Variants in ZNF469 observed in about 807,000 individuals in gnomAD.
The protein encoded by ZNF469 is zinc finger protein 469.
A neutral mutation model predicts 1.0 loss-of-function variants in ZNF469; 1 was observed. The observed-to-expected ratio is 1.00, with a 90% CI of 0.35 to 4.73. The LOEUF (loss-of-function observed/expected upper bound fraction) is 4.73, where lower values mean the gene tolerates loss of function less well. Ranked by LOEUF, ZNF469 falls within the 30% of genes most tolerant of loss-of-function variation. The probability of loss-of-function intolerance (pLI) is 0.16; values close to 1 mark genes in which losing one functional copy is unlikely to be tolerated. For missense variants in ZNF469, 6,100 were observed against 5,356.3 expected (o/e 1.14, Z -4.33); for synonymous variants, 2,703 against 2,363.4 (o/e 1.14, Z -4.17).
At chr16:88,298,761 G>A in the ZNF469 span, among the ~76,000 whole-genome samples, 1 of 152,124 alleles carries the variant, frequency 6.6e-6, no homozygotes, top group Non-Finnish European at 1.5e-5. Context: ...CCCGAGACAG[G>A]AGCAAGCAGA....
chr16:88,332,631 G>T, the ZNF469 span, among the ~76,000 whole-genome samples: 78 of 152,230 alleles, frequency 5.1e-4, no homozygotes, highest in African/African-American at 1.9e-3. Context: ...GTGAGGCAGG[G>T]AGAGGGAAGG....
intron 1 of ZNF469, among the ~76,000 whole-genome samples, chr16:88,389,391 G>A (rs973075235): frequency 2.6e-5 from 4 of 152,364 alleles, no homozygotes; most frequent in Middle Eastern, 3.4e-3. Context: ...AGCACATTTT[G>A]TGCACGCACC....
chr16:88,299,156 G>A, the ZNF469 span, among the ~76,000 whole-genome samples: 1 of 145,294 alleles, frequency 6.9e-6, no homozygotes, highest in Non-Finnish European at 1.5e-5. Context: ...GGTGGGGAGG[G>A]CTTCCTGGAG....
At chr16:88,146,149 C>T in the ZNF469 span, among the ~76,000 whole-genome samples, 2 of 152,350 alleles carry the variant, frequency 1.3e-5, no homozygotes, top group Admixed American at 6.5e-5. Flanking sequence ...TCCTTGGGCA[C>T]AGTCCAGGCT....
At chr16:88,205,846 C>G in the ZNF469 span, among the ~76,000 whole-genome samples, 5 of 152,090 alleles carry the variant, frequency 3.3e-5, no homozygotes, top group Non-Finnish European at 7.3e-5. This position sits in a 1 kb window ranked among gnomAD's most constrained non-coding sequence, Gnocchi z 4.2. Flanking sequence ...GGCTTTAACA[C>G]GGATCTGGAA....
the ZNF469 span, among the ~76,000 whole-genome samples, chr16:88,366,663 C>G: frequency 8.7e-5 from 13 of 150,264 alleles, no homozygotes; most frequent in Non-Finnish European, 1.5e-4. Context: ...CCATCACCAT[C>G]ATTATCGTCA....
chr16:88,357,389 C>T, the ZNF469 span, among the ~76,000 whole-genome samples: 16 of 152,222 alleles, frequency 1.1e-4, no homozygotes, highest in Non-Finnish European at 2.2e-4. Context: ...TCCTCGACTG[C>T]GTTGACCCCC....
the ZNF469 span, among the ~76,000 whole-genome samples, chr16:88,179,690 C>A: frequency 6.6e-6 from 1 of 152,172 alleles, no homozygotes; most frequent in Non-Finnish European, 1.5e-5. Context: ...AGTTTGAGAA[C>A]CTCTGGTCTC....
chr16:88,133,829 C>A, the ZNF469 span, among the ~76,000 whole-genome samples: 2 of 152,240 alleles, frequency 1.3e-5, no homozygotes, highest in South Asian at 4.1e-4. Context: ...CACAGTGGCT[C>A]ACGCCTGTAA....
chr16:88,254,358 A>G, the ZNF469 span, among the ~76,000 whole-genome samples: 1 of 152,158 alleles, frequency 6.6e-6, no homozygotes, highest in Non-Finnish European at 1.5e-5. Flanking sequence ...TTATTGAACT[A>G]TTTGTCCATT....
rs1906312626 is a variant in ZNF469 at position 88,433,059 on chromosome 16, C to T, written c.5589C>T (p.Ser1863=). ...EGNEFAPAGA[S]SLTAPRGREA... is the part of the protein sequence containing the mutation. ...ATGAGTTTGCACCGGCGGGGGCCTC[C>T]TCACTGACTGCCCCCCGGGGCAGGG... is the stretch of plus-strand genomic sequence containing the variant. Residue 1863 remains serine, a synonymous_variant, in exon 3 of 3, where the codon TCC becomes TCT. Coordinates refer to ENST00000565624, the MANE Select transcript of ZNF469 (RefSeq NM_001367624.2). The T allele has an allele frequency of 1.3e-6, 2 of 1,550,300 alleles. No individual in the cohort carries two copies. Among genetic ancestry groups the T allele is most frequent in the Admixed American group, 3.9e-5 (2 of 51,000 alleles).
chr16:88,122,721 G>A, the ZNF469 span, among the ~76,000 whole-genome samples: 6 of 152,142 alleles, frequency 3.9e-5, no homozygotes, highest in Non-Finnish European at 8.8e-5. Context: ...GCTTTAGTCT[G>A]CCACAGTTTT....
At chr16:88,208,302 C>T in the ZNF469 span, among the ~76,000 whole-genome samples, 1 of 151,090 alleles carries the variant, frequency 6.6e-6, no homozygotes, top group Non-Finnish European at 1.5e-5. Flanking sequence ...TGCAATCTGG[C>T]GCTTTCCCTG....
chr16:88,207,709 G>C, the ZNF469 span, among the ~76,000 whole-genome samples: 1 of 148,848 alleles, frequency 6.7e-6, no homozygotes, highest in South Asian at 2.2e-4. Context: ...GGGGCTGCTG[G>C]CTTCCTCGGC....
the ZNF469 span, among the ~76,000 whole-genome samples, chr16:88,321,638 G>A: frequency 1.3e-5 from 2 of 151,792 alleles, no homozygotes; most frequent in Non-Finnish European, 2.9e-5. Context: ...GACCTCATCT[G>A]ATTGGATGTG....
chr16:88,423,761 C>T (rs781588134), intron 1 of ZNF469, among the ~76,000 whole-genome samples: 2 of 152,178 alleles, frequency 1.3e-5, no homozygotes, highest in Non-Finnish European at 1.5e-5. Flanking sequence ...GGCCTCTCCA[C>T]GGGGCTGCTT....
the ZNF469 span, among the ~76,000 whole-genome samples, chr16:88,338,722 G>C: frequency 1.3e-5 from 2 of 152,312 alleles, no homozygotes; most frequent in Admixed American, 6.5e-5. Context: ...TATCAGAAGG[G>C]GGGATATGGG....
chr16:88,440,583 A>T lies in ZNF469; in HGVS notation c.*1251A>T, dbSNP rs1040737822. 6.6e-5 allele frequency: 10 copies of T among 152,088 alleles called. No homozygotes were observed. The highest frequency in any genetic ancestry group is 2.4e-4 in the African/African-American group (10 of 41,398). 9.4% of individuals were successfully genotyped at this position (152,088 alleles called of 1,614,324 possible). On this transcript the variant is annotated 3_prime_UTR_variant, in exon 3 of 3. Coordinates refer to ENST00000565624, the MANE Select transcript of ZNF469 (RefSeq NM_001367624.2). ...GTGTACGTCAAAAGTTTTTATTTTG[A>T]TATTTGAAAGAGACCAAATCAGGCC...
At chr16:88,412,760 AC>A (rs1364567586) in intron 1 of ZNF469, among the ~76,000 whole-genome samples, 1 of 152,196 alleles carries the variant, frequency 6.6e-6, no homozygotes, top group Non-Finnish European at 1.5e-5. Context: ...CCCAGAGAGA[AC>A]GCTCACACAC....
Sources: gnomAD v4.1 joint callset for allele counts (sites outside exome capture counted in the v4.1 genomes callset) on GRCh38, gnomAD v4.1.1 for gene constraint, Gnocchi (gnomAD v3.1) non-coding constraint, MANE v1.5 for transcripts, NCBI Gene and HGNC (gene_info 2026-07-23, HGNC 2026-07-21) for gene names.